Variants in ARHGAP17 observed in about 807,000 individuals in gnomAD.
ARHGAP17 encodes rho GTPase-activating protein 17.
Under a neutral mutation model 99.5 loss-of-function variants are expected in ARHGAP17, and 57 were observed. The ratio of observed to expected loss-of-function variants is 0.57; its 90% CI spans 0.46 to 0.71. ARHGAP17 has a LOEUF of 0.71. Ranked by LOEUF, ARHGAP17 falls within the 30% of genes least tolerant of loss-of-function variation. The probability of loss-of-function intolerance (pLI) is 0.00; values close to 1 mark genes in which losing one functional copy is unlikely to be tolerated. For missense variants in ARHGAP17, 1,000 were observed against 1,122.4 expected (o/e 0.89, Z 1.56); for synonymous variants, 417 against 429.6 (o/e 0.97, Z 0.36).
intron 18 of ARHGAP17, among the ~76,000 whole-genome samples, chr16:24,933,855 CT>C (rs1471432175): frequency 6.6e-6 from 1 of 152,078 alleles, no homozygotes; most frequent in Non-Finnish European, 1.5e-5. Context: ...AGCCTGGGAG[CT>C]GTGATTTCGG....
chr16:24,922,344 A>G (rs2152436486), intron 19 of ARHGAP17, among the ~76,000 whole-genome samples: 2 of 152,352 alleles, frequency 1.3e-5, no homozygotes, highest in Middle Eastern at 3.4e-3. Context: ...GCTAACGCCT[A>G]TCAGCCACCA....
chr16:24,949,387 A>T lies in ARHGAP17; in HGVS notation c.1127+17T>A. 1.3e-6 allele frequency: 2 copies of T among 1,555,632 alleles called. No homozygotes were observed. The highest frequency in any genetic ancestry group is 1.8e-6 in the Non-Finnish European group (2 of 1,128,404). Reference sequence around the variant, plus strand: ...CTTATCTTCACTCCAGAGTCATTGTAGCTCAATCATACATACCTAAAGTTA... The same window carrying T: ...CTTATCTTCACTCCAGAGTCATTGTTGCTCAATCATACATACCTAAAGTTA... On this transcript the variant is annotated intron_variant, in intron 13 of 19. Coordinates refer to ENST00000289968, the MANE Select transcript of ARHGAP17 (RefSeq NM_001006634.3).
At chr16:24,953,563 T>C (rs373271985) in intron 10 of ARHGAP17, among the ~76,000 whole-genome samples, 309 of 152,322 alleles carry the variant, frequency 2.0e-3, no homozygotes, top group African/African-American at 7.0e-3. Context: ...TTCCCTCCTG[T>C]TCCACCACGT....
At chr16:24,939,075 G>A (rs2051233251) in intron 17 of ARHGAP17, among the ~76,000 whole-genome samples, 1 of 152,230 alleles carries the variant, frequency 6.6e-6, no homozygotes, top group Admixed American at 6.5e-5. Context: ...ACATCCAACA[G>A]GTGACAGAGG....
At chr16:24,968,552 T>C (rs2052261501) in intron 5 of ARHGAP17, 109 bp downstream of exon 5, 1 of 1,504,450 alleles carries the variant, frequency 6.6e-7, no homozygotes, top group Admixed American at 1.7e-5. Context: ...TCCCCTTATT[T>C]CCAAAAAGAA....
At chr16:25,005,301 A>G (rs2053476031) in intron 1 of ARHGAP17, among the ~76,000 whole-genome samples, 1 of 152,256 alleles carries the variant, frequency 6.6e-6, no homozygotes, top group Non-Finnish European at 1.5e-5. Flanking sequence ...AGTTTCTTAT[A>G]GAAATCTTAG....
intron 10 of ARHGAP17, 116 bp from the exon 11 acceptor site, chr16:24,953,158 G>A (rs575866844): frequency 2.2e-6 from 2 of 903,366 alleles, no homozygotes; most frequent in Non-Finnish European, 3.5e-6. Flanking sequence ...TATGAAAGCA[G>A]TGTTACTGCC....
intron 18 of ARHGAP17, among the ~76,000 whole-genome samples, chr16:24,934,853 C>T (rs945261758): frequency 6.6e-6 from 1 of 152,128 alleles, no homozygotes; most frequent in African/African-American, 2.4e-5. Flanking sequence ...AGGGGATGAA[C>T]TTAGTTCATT....
intron 4 of ARHGAP17, among the ~76,000 whole-genome samples, chr16:24,969,732 G>A (rs781260993): frequency 7.2e-5 from 11 of 152,230 alleles, no homozygotes; most frequent in Non-Finnish European, 1.3e-4. Flanking sequence ...TGGAGGGAAG[G>A]AGGATGCTGG....
intron 16 of ARHGAP17, chr16:24,941,727 C>T (rs2051317775): frequency 2.0e-6 from 1 of 490,668 alleles, no homozygotes; most frequent in Non-Finnish European, 3.7e-6. Flanking sequence ...TGCCGTTCCA[C>T]TGCAGGGCTT....
chr16:24,969,976 A>C (rs2052311741), intron 4 of ARHGAP17, among the ~76,000 whole-genome samples: 1 of 152,200 alleles, frequency 6.6e-6, no homozygotes, highest in Non-Finnish European at 1.5e-5. Flanking sequence ...AGCAGACAGA[A>C]GGGTATACCT....
intron 18 of ARHGAP17, among the ~76,000 whole-genome samples, chr16:24,934,826 T>TC (rs2051090265): frequency 6.6e-6 from 1 of 152,122 alleles, no homozygotes; most frequent in African/African-American, 2.4e-5. Context: ...GGACAGAATG[T>TC]TCTGGAAGCC....
Position 24,930,843 on chromosome 16 carries a change from T to C in ARHGAP17, c.2456A>G (p.His819Arg), listed in dbSNP as rs2050962755. 1 of 1,613,818 alleles carries C rather than the reference T, an allele frequency of 6.2e-7. No individual in the cohort carries two copies. The highest frequency in any genetic ancestry group is 8.5e-7 in the Non-Finnish European group (1 of 1,179,952). Residue 819 changes from histidine (H) to arginine (R), a missense_variant, in exon 19 of 20, where the codon CAC becomes CGC. This residue lies in a region of ARHGAP17 where 528 missense variants were observed against 511.4 expected (regional missense o/e 1.03). Transcript: ENST00000289968. ...GGTGAGGCTGCTGTCCCCAGCTGAG[T>C]GGACACCAGGAGGTTGGGGGGGTGG... is the stretch of plus-strand genomic sequence containing the variant. The part of the protein sequence containing the change: ...VPPPPQPPGV[H>R]SAGDSSLTNT...
intron 1 of ARHGAP17, among the ~76,000 whole-genome samples, chr16:24,990,592 G>C (rs2053009501): frequency 6.6e-6 from 1 of 152,014 alleles, no homozygotes. Context: ...GGGAAGTGGA[G>C]ACTGCAGTGA....
At chr16:25,013,141 T>C (rs1254833336) in intron 1 of ARHGAP17, among the ~76,000 whole-genome samples, 3 of 152,188 alleles carry the variant, frequency 2.0e-5, no homozygotes, top group South Asian at 2.1e-4. Context: ...ATCCAATCTA[T>C]GCTGTAGCAT....
At chr16:24,951,012 C>G (rs8053208) in intron 12 of ARHGAP17, among the ~76,000 whole-genome samples, 10,532 of 152,018 alleles carry the variant, frequency 0.069, 1,084 homozygotes, top group African/African-American at 0.22. Flanking sequence ...GAGGACAGAA[C>G]AGAGGTGAGA....
intron 1 of ARHGAP17, among the ~76,000 whole-genome samples, chr16:24,991,933 AG>A (rs1261928168): frequency 1.3e-5 from 2 of 152,238 alleles, no homozygotes; most frequent in Non-Finnish European, 2.9e-5. Flanking sequence ...TGAGAAAAAA[AG>A]GTCTCATCCT....
At chr16:24,956,828 T>G (rs1277965623) in intron 9 of ARHGAP17, 1 of 152,256 alleles carries the variant, frequency 6.6e-6, no homozygotes, top group African/African-American at 2.4e-5. Flanking sequence ...TTGCGACTTC[T>G]GGTGTAGACC....
chr16:24,927,750 A>G lies in ARHGAP17; in HGVS notation c.2515+3034T>C, dbSNP rs764711064. The G allele has an allele frequency of 7.3e-6, 8 of 1,098,994 alleles. No homozygotes were observed. In the East Asian group the frequency reaches 4.8e-4, roughly 66 times the overall value. The allele number at this position is 1,098,994 out of a possible 1,614,324, so 68.1% of individuals were successfully genotyped here. On this transcript the variant is annotated intron_variant, in intron 19 of 19. Coordinates refer to ENST00000289968, the MANE Select transcript of ARHGAP17 (RefSeq NM_001006634.3). ...TCATACATCTAAATTATTTAATAAA[A>G]TGTTTAAATTAGAATACTCTTTGCT... is the stretch of plus-strand genomic sequence containing the variant.
Sources: gnomAD v4.1 joint callset for allele counts (sites outside exome capture counted in the v4.1 genomes callset) on GRCh38, gnomAD v4.1.1 for gene constraint, gnomAD v4.1.1 regional missense constraint, MANE v1.5 for transcripts, NCBI Gene and HGNC (gene_info 2026-07-23, HGNC 2026-07-21) for gene names.